The following WNK1 variants were observed in gnomAD, a reference collection of about 807,000 sequenced individuals.
WNK1 encodes the protein WNK lysine deficient protein kinase 1.
Under a neutral mutation model 222.8 loss-of-function variants are expected in WNK1, and 38 were observed. The observed-to-expected ratio is 0.17, with a 90% confidence interval of 0.13 to 0.22. WNK1 has a LOEUF of 0.22. Among genes scored for constraint, WNK1 ranks in the 10% least tolerant of loss-of-function variants. The probability of loss-of-function intolerance (pLI) is 1.00; values close to 1 mark genes in which losing one functional copy is unlikely to be tolerated. For synonymous variants in WNK1, 1,090 were observed against 1,092.9 expected, an observed-to-expected ratio of 1.00 and a Z score of 0.05; for missense variants, 2,348 against 2,918.4, an observed-to-expected ratio of 0.80 and a Z score of 4.50.
chr12:896,936 ACAC>A (rs1227368893), intron 24 of WNK1, among the ~76,000 whole-genome samples: 69 of 111,214 alleles, frequency 6.2e-4, no homozygotes, highest in African/African-American at 2.2e-3. Context: ...ACACACACAC[ACAC>A]GATTCCCAAC....
intron 1 of WNK1, among the ~76,000 whole-genome samples, chr12:778,487 C>G (rs977345413): frequency 6.6e-6 from 1 of 151,952 alleles, no homozygotes; most frequent in Non-Finnish European, 1.5e-5. Flanking sequence ...CATGCCATCA[C>G]GCCTGGCTAA....
At chr12:875,751 A>G (rs377438685) in intron 9 of WNK1, among the ~76,000 whole-genome samples, 1 of 152,246 alleles carries the variant, frequency 6.6e-6, no homozygotes, top group Admixed American at 6.5e-5. Flanking sequence ...AGGAGCGTTC[A>G]TAATTTAGCT....
intron 1 of WNK1, among the ~76,000 whole-genome samples, chr12:792,391 C>T (rs978959181): frequency 1.4e-5 from 2 of 143,884 alleles, no homozygotes; most frequent in Non-Finnish European, 1.5e-5. Flanking sequence ...CGGCTCACTG[C>T]AGCCTCCGCT....
intron 4 of WNK1, among the ~76,000 whole-genome samples, chr12:839,906 T>TA (rs202235620): frequency 0.012 from 1,654 of 140,536 alleles, 136 homozygotes; most frequent in Admixed American, 0.078. Flanking sequence ...TTTTTTTTTT[T>TA]AAGTAGAGAT....
At chr12:894,437 A>G (rs1954563542) in intron 22 of WNK1, 125 bp from the exon 23 acceptor site, 3 of 787,324 alleles carry the variant, frequency 3.8e-6, no homozygotes, top group Admixed American at 1.9e-5. Flanking sequence ...GAGATAAGGA[A>G]GTTCTCTTTG....
intron 2 of WNK1, among the ~76,000 whole-genome samples, chr12:814,676 C>T (rs1947196131): frequency 6.6e-6 from 1 of 152,120 alleles, no homozygotes; most frequent in Non-Finnish European, 1.5e-5. Context: ...CTTAGAGCAG[C>T]AGTCCCCAAC....
At chr12:881,632 G>A in intron 12 of WNK1, 60 bp from the exon 13 acceptor site, 1 of 1,339,886 alleles carries the variant, frequency 7.5e-7, no homozygotes, top group Non-Finnish European at 1.1e-6. Flanking sequence ...GTAGATTATT[G>A]GGGATAGTGA....
chr12:878,373 T>TC lies in WNK1; in HGVS notation c.2373+12_2373+13insC, dbSNP rs1952813833. ...CAGCTGGAAAACAGGTAAACTTTTTTTTTTTTTTTAAACAGGTAAACTCTT... is the reference window on the plus strand; with the variant it reads ...CAGCTGGAAAACAGGTAAACTTTTTTCTTTTTTTTTAAACAGGTAAACTCTT... On this transcript the variant is annotated intron_variant, in intron 10 of 27. Coordinates refer to ENST00000315939, the MANE Select transcript of WNK1 (RefSeq NM_018979.4). 6.2e-7 allele frequency: 1 copy of TC among 1,612,452 alleles called. No individual in the cohort carries two copies. Among genetic ancestry groups the TC allele is most frequent in the Non-Finnish European group, 8.5e-7 (1 of 1,179,210 alleles).
chr12:822,495 C>T (rs1183686971), intron 2 of WNK1, among the ~76,000 whole-genome samples: 1 of 151,902 alleles, frequency 6.6e-6, no homozygotes, highest in African/African-American at 2.4e-5. Context: ...TGTAGTATAC[C>T]ATTTTCATTC....
intron 2 of WNK1, among the ~76,000 whole-genome samples, chr12:816,486 C>T (rs1591828412): frequency 6.6e-6 from 1 of 151,830 alleles, no homozygotes; most frequent in South Asian, 2.1e-4. Flanking sequence ...TATTTTGTTG[C>T]CCAGGCTGCT....
chr12:898,307 A>G (rs1011461374), intron 25 of WNK1, among the ~76,000 whole-genome samples: 1 of 151,980 alleles, frequency 6.6e-6, no homozygotes, highest in Admixed American at 6.6e-5. Flanking sequence ...ACACGGTGAA[A>G]CCCTGTCTCT....
In WNK1 at chr12:810,316, G is replaced by A. The variant is rs141725327; in HGVS notation, c.760-3326G>A. 9.7e-4 allele frequency among the ~76,000 whole-genome samples: 147 copies of A among 152,000 alleles called. 2 individuals carry two copies. The highest frequency in any genetic ancestry group is 7.7e-3 in the South Asian group (37 of 4,804). Reference sequence around the variant, plus strand: ...GTGTGGTGCAGAAAATGATAAGGAGGGAGTATTCCAATATTGACCTAAAAT... The same window carrying A: ...GTGTGGTGCAGAAAATGATAAGGAGAGAGTATTCCAATATTGACCTAAAAT... On this transcript the variant is annotated intron_variant, in intron 1 of 27. Coordinates refer to ENST00000315939, the MANE Select transcript of WNK1 (RefSeq NM_018979.4).
At chr12:838,939 C>T (rs1248582414) in intron 4 of WNK1, among the ~76,000 whole-genome samples, 1 of 152,108 alleles carries the variant, frequency 6.6e-6, no homozygotes, top group Non-Finnish European at 1.5e-5. Flanking sequence ...TTCTATGTTC[C>T]AGACTGTTTT....
chr12:866,519 C>CCCCTG (rs1951683884), intron 8 of WNK1, among the ~76,000 whole-genome samples: 1 of 152,250 alleles, frequency 6.6e-6, no homozygotes, highest in Middle Eastern at 3.4e-3. Flanking sequence ...CATGCCACCA[C>CCCCTG]ACCCAGCTAA....
intron 1 of WNK1, among the ~76,000 whole-genome samples, chr12:785,237 T>C (rs757619571): frequency 9.2e-5 from 14 of 152,164 alleles, no homozygotes; most frequent in Non-Finnish European, 8.8e-5. Context: ...TTTTTTCCAT[T>C]GTGGCTTTTT....
chr12:799,963 C>T (rs774548997), intron 1 of WNK1, among the ~76,000 whole-genome samples: 6 of 151,990 alleles, frequency 3.9e-5, no homozygotes, highest in Non-Finnish European at 5.9e-5. Flanking sequence ...GGGATTACAC[C>T]GCGCTTGTCC....
At chr12:883,674 G>A (rs888819823) in intron 16 of WNK1, 100 bp from the exon 17 acceptor site, 7 of 1,595,050 alleles carry the variant, frequency 4.4e-6, no homozygotes, top group Non-Finnish European at 5.2e-6. Flanking sequence ...ACCCATGACC[G>A]ACAACAAACT....
intron 1 of WNK1, among the ~76,000 whole-genome samples, chr12:769,448 C>T (rs1000271084): frequency 2.0e-5 from 3 of 152,146 alleles, no homozygotes; most frequent in African/African-American, 7.2e-5. Flanking sequence ...GTGATCTTCC[C>T]GTCTCAGCCT....
intron 1 of WNK1, among the ~76,000 whole-genome samples, chr12:813,084 A>G (rs1947049614): frequency 6.6e-6 from 1 of 152,298 alleles, no homozygotes; most frequent in South Asian, 2.1e-4. Flanking sequence ...AAATTAAAAA[A>G]TTAGCCGGGC....
Sources: gnomAD v4.1 joint callset for allele counts (sites outside exome capture counted in the v4.1 genomes callset) on GRCh38, gnomAD v4.1.1 for gene constraint, MANE v1.5 for transcripts, NCBI Gene and HGNC (gene_info 2026-07-23, HGNC 2026-07-21) for gene names.